The following RALGAPA2 variants were observed in gnomAD, a reference collection of about 807,000 sequenced individuals.
The protein encoded by RALGAPA2 is Ral GTPase activating protein catalytic subunit alpha 2.
Under a neutral mutation model 230.4 loss-of-function variants are expected in RALGAPA2, and 139 were observed. The ratio of observed to expected loss-of-function variants is 0.60; its 90% CI spans 0.53 to 0.69. The LOEUF is 0.69. Among genes scored for constraint, RALGAPA2 ranks in the 30% least tolerant of loss-of-function variants. The pLI is 0.00. For missense variants in RALGAPA2, 2,163 were observed against 2,276.0 expected (o/e 0.95, Z 1.01); for synonymous variants, 847 against 837.8 (o/e 1.01, Z -0.19).
chr20:20,450,170 G>A (rs532487990), intron 37 of RALGAPA2, among the ~76,000 whole-genome samples: 9 of 152,270 alleles, frequency 5.9e-5, no homozygotes, highest in South Asian at 4.1e-4. Flanking sequence ...CACTGTGATG[G>A]AACTGCGTCC....
chr20:20,557,398 G>T (rs1246223096), intron 23 of RALGAPA2, among the ~76,000 whole-genome samples: 1 of 152,110 alleles, frequency 6.6e-6, no homozygotes, highest in Admixed American at 6.5e-5. Context: ...AGTCAAATGT[G>T]CACACACAAA....
At chr20:20,584,501 C>T (rs892351756) in intron 19 of RALGAPA2, among the ~76,000 whole-genome samples, 1 of 152,166 alleles carries the variant, frequency 6.6e-6, no homozygotes, top group African/African-American at 2.4e-5. Context: ...CATTTCACAA[C>T]CATTTCTCTC....
intron 37 of RALGAPA2, among the ~76,000 whole-genome samples, chr20:20,444,214 G>A (rs2060808638): frequency 6.6e-6 from 1 of 152,090 alleles, no homozygotes; most frequent in Non-Finnish European, 1.5e-5. Context: ...GACCTCCAGG[G>A]GCCTGTAAGC....
chr20:20,537,371 G>A (rs1006287007), intron 24 of RALGAPA2, among the ~76,000 whole-genome samples: 15 of 152,138 alleles, frequency 9.9e-5, no homozygotes, highest in Admixed American at 5.2e-4. Flanking sequence ...TGTAATCCCA[G>A]CACTTTGGGA....
chr20:20,563,865 T>C (rs1257996993), intron 23 of RALGAPA2, among the ~76,000 whole-genome samples: 1 of 151,966 alleles, frequency 6.6e-6, no homozygotes, highest in East Asian at 1.9e-4. Context: ...CATATGTGCA[T>C]ATATATACAA....
intron 1 of RALGAPA2, among the ~76,000 whole-genome samples, chr20:20,693,559 C>T (rs957508284): frequency 3.3e-5 from 5 of 152,170 alleles, no homozygotes; most frequent in Non-Finnish European, 7.3e-5. Context: ...TAGTCACCTC[C>T]ACCCCTCTAA....
At chr20:20,620,933 G>C (rs375033540) in intron 10 of RALGAPA2, among the ~76,000 whole-genome samples, 2 of 152,156 alleles carry the variant, frequency 1.3e-5, no homozygotes, top group African/African-American at 4.8e-5. Context: ...ATGAGGTCAG[G>C]AGTTCGGGAC....
chr20:20,570,509 A>T (rs2064592659), intron 23 of RALGAPA2, among the ~76,000 whole-genome samples: 1 of 152,198 alleles, frequency 6.6e-6, no homozygotes, highest in Admixed American at 6.5e-5. Context: ...TAAAGGGTAA[A>T]TCTCAAACAC....
At chr20:20,454,005 C>T (rs955451839) in intron 37 of RALGAPA2, among the ~76,000 whole-genome samples, 3 of 152,172 alleles carry the variant, frequency 2.0e-5, no homozygotes, top group South Asian at 2.1e-4. Flanking sequence ...ATGCACCTTG[C>T]ACCTCTATAT....
chr20:20,503,399 A>G lies in RALGAPA2; in HGVS notation c.5160T>C (p.His1720=), dbSNP rs2273528. ...YATSTVEVIF[H]VSTRMPSDSD... is the part of the protein sequence containing the mutation. ...AGTCTGACGGCATTCGAGTGGAAACATGGAAAATCACTTCCACAGTTGAGG... is the reference window on the plus strand; with the variant it reads ...AGTCTGACGGCATTCGAGTGGAAACGTGGAAAATCACTTCCACAGTTGAGG... The change falls in exon 35 of 40, where the codon CAT becomes CAC. Residue 1720 remains histidine (H), a synonymous_variant. Coordinates refer to ENST00000202677, the MANE Select transcript of RALGAPA2 (RefSeq NM_020343.4). 0.05 allele frequency: 80,153 copies of G among 1,605,000 alleles called. 2,800 individuals carry two copies. The highest frequency in any genetic ancestry group is 0.14 in the African/African-American group (10,060 of 74,388).
At position 20,601,846 on chromosome 20, in the gene RALGAPA2, C is replaced by A. The variant is rs772154635; in HGVS notation, c.2039G>T (p.Gly680Val). The A allele has an allele frequency of 1.3e-6, 2 of 1,582,582 alleles. No individual in the cohort carries two copies. Among genetic ancestry groups the A allele is most frequent in the South Asian group, 1.2e-5 (1 of 85,730 alleles). The change falls in exon 16 of 40, where the codon GGC becomes GTC. Residue 680 changes from glycine to valine, a missense_variant and splice_region_variant. Physicochemically the swap from Gly to Val is moderately radical, Grantham distance 109. Transcript: ENST00000202677. ...EQKEKKQRGK[G>V]CVLDPQKGTT... Reference sequence around the variant, plus strand: ...TCCTTTCTGAGGATCTAGAACACAGCCTGATAAAGGAAAAGAAAAATAATC... The same window carrying A: ...TCCTTTCTGAGGATCTAGAACACAGACTGATAAAGGAAAAGAAAAATAATC...
At chr20:20,649,160 G>A (rs764237761) in intron 4 of RALGAPA2, among the ~76,000 whole-genome samples, 1 of 152,182 alleles carries the variant, frequency 6.6e-6, no homozygotes, top group Non-Finnish European at 1.5e-5. Flanking sequence ...GGCAGGTGGG[G>A]TCCCTGATTT....
At chr20:20,630,732 G>A (rs2066644858) in intron 9 of RALGAPA2, among the ~76,000 whole-genome samples, 1 of 152,130 alleles carries the variant, frequency 6.6e-6, no homozygotes, top group African/African-American at 2.4e-5. Context: ...CCCAAACTAA[G>A]TCTCAAAAAC....
intron 36 of RALGAPA2, among the ~76,000 whole-genome samples, chr20:20,479,389 C>T (rs1006167150): frequency 6.6e-6 from 1 of 152,076 alleles, no homozygotes; most frequent in African/African-American, 2.4e-5. Context: ...TACAAAAACC[C>T]TAACAAAATA....
chr20:20,607,038 T>G (rs1000977028), intron 14 of RALGAPA2, among the ~76,000 whole-genome samples: 2 of 152,204 alleles, frequency 1.3e-5, no homozygotes, highest in African/African-American at 4.8e-5. Flanking sequence ...CAAAGAGAAA[T>G]GCACTTGTTA....
chr20:20,524,648 G>A, intron 29 of RALGAPA2, 105 bp from the exon 30 acceptor site: 11 of 1,455,516 alleles, frequency 7.6e-6, no homozygotes, highest in Non-Finnish European at 9.4e-6. Context: ...TGGACATGCA[G>A]GTGCTAGATA....
In RALGAPA2 at chr20:20,683,796, CA is replaced by C. The variant is rs1479102903; in HGVS notation, c.107-2996del. 3.9e-4 allele frequency among the ~76,000 whole-genome samples: 59 copies of C among 152,182 alleles called. 2 individuals are homozygous for C. Among genetic ancestry groups the C allele is most frequent in the Admixed American group, 3.8e-3 (58 of 15,280 alleles). On this transcript the variant is annotated intron_variant, in intron 1 of 39. Transcript: ENST00000202677. ...TTCCCACATCTCCTGCCTGAATCAC[CA>C]CATTTTCAAAAAAGATACACTCGTC...
intron 35 of RALGAPA2, among the ~76,000 whole-genome samples, chr20:20,501,032 G>A (rs946791833): frequency 2.0e-5 from 3 of 152,150 alleles, no homozygotes; most frequent in South Asian, 2.1e-4. Flanking sequence ...CTAAACAGAC[G>A]TGCTGTCATC....
chr20:20,504,950 C>T (rs2062488334), intron 34 of RALGAPA2: 1 of 967,546 alleles, frequency 1.0e-6, no homozygotes, highest in South Asian at 4.8e-5. Context: ...CTGAAATCTA[C>T]CTTAGGGAAA....
Sources: allele counts gnomAD v4.1 joint callset (sites outside exome capture counted in the v4.1 genomes callset), GRCh38; gene constraint gnomAD v4.1.1; transcripts MANE v1.5; gene names NCBI Gene and HGNC (gene_info 2026-07-23, HGNC 2026-07-21).